Variants in GALNT13 observed in about 807,000 individuals in gnomAD.
GALNT13 encodes the protein UDP-GalNAc:polypeptide N-acetylgalactosaminyltransferase 13.
GALNT13 carries 28 observed loss-of-function variants against 64.2 expected under a neutral mutation model. That is an observed-to-expected ratio of 0.44 (90% CI 0.32 to 0.60). The LOEUF is 0.60. GALNT13 is among the 20% of genes least tolerant of loss of function. The pLI is 0.05. For synonymous variants in GALNT13, 214 were observed against 224.6 expected (o/e 0.95, Z 0.42); for missense variants, 577 against 669.8 (o/e 0.86, Z 1.53).
At chr2:153,782,008 A>G in the GALNT13 span, among the ~76,000 whole-genome samples, 30 of 152,168 alleles carry the variant, frequency 2.0e-4, no homozygotes, top group Non-Finnish European at 4.1e-4. Flanking sequence ...TAATGTCTAT[A>G]GTCAACAACT....
At chr2:154,434,729 T>C (rs1300984679) in intron 11 of GALNT13, among the ~76,000 whole-genome samples, 1 of 152,006 alleles carries the variant, frequency 6.6e-6, no homozygotes, top group African/African-American at 2.4e-5. Context: ...AATTTTACAG[T>C]TGAGACAACA....
the GALNT13 span, among the ~76,000 whole-genome samples, chr2:153,757,455 A>C: frequency 0.35 from 52,625 of 152,084 alleles, 9,574 homozygotes; most frequent in African/African-American, 0.39. Flanking sequence ...ATTATAAATA[A>C]AGCTACAATA....
intron 4 of GALNT13, among the ~76,000 whole-genome samples, chr2:154,224,972 GA>G (rs1256383316): frequency 4.6e-5 from 7 of 152,044 alleles, no homozygotes; most frequent in African/African-American, 1.7e-4. Flanking sequence ...GTCGCAGATG[GA>G]GTGCTAATAT....
the GALNT13 span, among the ~76,000 whole-genome samples, chr2:153,744,562 T>A: frequency 6.6e-6 from 1 of 152,188 alleles, no homozygotes; most frequent in Non-Finnish European, 1.5e-5. Flanking sequence ...TTTTCTCAGC[T>A]TTTCCTCTCT....
Position 153,901,471 on chromosome 2 carries a change from AT to A in GALNT13, c.-105+467del, listed in dbSNP as rs533213906. On this transcript the variant is annotated intron_variant, in intron 2 of 12. Transcript: ENST00000392825. The stretch of plus-strand genomic sequence containing the variant: ...GTCCATGAGCATGGGATGTTTTTCT[AT>A]TTGTGTCATGTCTAATTTCTTTGAC... Among the ~76,000 whole-genome samples, 22 of 152,148 alleles carry A rather than the reference AT, an allele frequency of 1.4e-4. No individual in the cohort carries two copies. In the East Asian group the frequency reaches 4.3e-3, roughly 29 times the overall value.
At chr2:153,257,573 C>A in the GALNT13 span, among the ~76,000 whole-genome samples, 1 of 152,122 alleles carries the variant, frequency 6.6e-6, no homozygotes, top group Non-Finnish European at 1.5e-5. Flanking sequence ...CTGAAATAAT[C>A]TTTTCTGACT....
chr2:153,375,931 A>T, the GALNT13 span, among the ~76,000 whole-genome samples: 1 of 152,108 alleles, frequency 6.6e-6, no homozygotes, highest in East Asian at 1.9e-4. Context: ...GCTTCCACGC[A>T]TGGAGGAGAT....
chr2:153,403,711 CTTTT>C, the GALNT13 span, among the ~76,000 whole-genome samples: 1 of 152,196 alleles, frequency 6.6e-6, no homozygotes, highest in Non-Finnish European at 1.5e-5. Context: ...TCCGTCACCC[CTTTT>C]TTTGACTCGG....
chr2:154,338,505 G>A (rs1695576645), intron 9 of GALNT13, among the ~76,000 whole-genome samples: 1 of 152,044 alleles, frequency 6.6e-6, no homozygotes, highest in South Asian at 2.1e-4. Flanking sequence ...CTTGAAGGAG[G>A]AGTTTTACTG....
the GALNT13 span, among the ~76,000 whole-genome samples, chr2:153,560,044 A>G: frequency 6.6e-6 from 1 of 152,022 alleles, no homozygotes; most frequent in Non-Finnish European, 1.5e-5. Context: ...GGCCAGTAGG[A>G]GTCCCATCAA....
chr2:153,108,910 G>A, the GALNT13 span, among the ~76,000 whole-genome samples: 1 of 152,156 alleles, frequency 6.6e-6, no homozygotes, highest in Non-Finnish European at 1.5e-5. Flanking sequence ...AGTAGTATAT[G>A]TGGGAGTTGC....
chr2:153,669,186 C>T, the GALNT13 span, among the ~76,000 whole-genome samples: 1 of 152,160 alleles, frequency 6.6e-6, no homozygotes, highest in Non-Finnish European at 1.5e-5. Flanking sequence ...AGCCCATCTG[C>T]ACCCTCCCCC....
intron 4 of GALNT13, among the ~76,000 whole-genome samples, chr2:154,232,055 A>C (rs1688945989): frequency 6.6e-6 from 1 of 151,924 alleles, no homozygotes; most frequent in Non-Finnish European, 1.5e-5. Flanking sequence ...AAAGAGAGAG[A>C]GAGAGAGAGA....
At chr2:153,493,022 G>A in the GALNT13 span, among the ~76,000 whole-genome samples, 1 of 151,992 alleles carries the variant, frequency 6.6e-6, no homozygotes, top group African/African-American at 2.4e-5. Flanking sequence ...AATGTGTGGG[G>A]CATAGCAAAA....
chr2:153,612,669 T>G, the GALNT13 span, among the ~76,000 whole-genome samples: 5 of 152,016 alleles, frequency 3.3e-5, no homozygotes, highest in East Asian at 9.6e-4. Flanking sequence ...GGAAAATGTA[T>G]AAGTGGTTAT....
intron 3 of GALNT13, among the ~76,000 whole-genome samples, chr2:153,980,907 G>A (rs1694417723): frequency 6.6e-6 from 1 of 152,144 alleles, no homozygotes. Context: ...AGATACCTGT[G>A]TATAGGAAGC....
intron 2 of GALNT13, among the ~76,000 whole-genome samples, chr2:153,904,291 T>G (rs561347275): frequency 3.3e-5 from 5 of 151,934 alleles, no homozygotes; most frequent in African/African-American, 1.2e-4. Flanking sequence ...ATAAACATTC[T>G]TTTAAATGTG....
At chr2:154,086,007 C>T (rs1320899735) in intron 3 of GALNT13, among the ~76,000 whole-genome samples, 2 of 151,672 alleles carry the variant, frequency 1.3e-5, no homozygotes, top group Non-Finnish European at 2.9e-5. Context: ...AGCTGTTATA[C>T]TATGGTTGTT....
At chr2:154,354,644 C>T (rs1696624773) in intron 9 of GALNT13, among the ~76,000 whole-genome samples, 2 of 151,016 alleles carry the variant, frequency 1.3e-5, no homozygotes, top group Non-Finnish European at 3.0e-5. Flanking sequence ...TGTGGAAACT[C>T]ACTTCTGCAA....
Sources: allele counts gnomAD v4.1 joint callset (sites outside exome capture counted in the v4.1 genomes callset), GRCh38; gene constraint gnomAD v4.1.1; transcripts MANE v1.5; gene names NCBI Gene and HGNC (gene_info 2026-07-23, HGNC 2026-07-21).